The following ULK4 variants were observed in gnomAD, a reference collection of about 807,000 sequenced individuals.
The protein encoded by ULK4 is inactive serine/threonine-protein kinase ULK4.
ULK4 carries 133 observed loss-of-function variants against 160.6 expected under a neutral mutation model. The ratio of observed to expected loss-of-function variants is 0.83; its 90% CI spans 0.72 to 0.96. ULK4 has a LOEUF of 0.96. ULK4 is among the 40% of genes least tolerant of loss of function. ULK4 has a pLI of 0.00. For synonymous variants in ULK4, 534 were observed against 539.8 expected (o/e 0.99, Z 0.15); for missense variants, 1,580 against 1,499.5 (o/e 1.05, Z -0.89).
chr3:41,397,323 G>A (rs2082083911), intron 35 of ULK4, among the ~76,000 whole-genome samples: 1 of 152,116 alleles, frequency 6.6e-6, no homozygotes, highest in Non-Finnish European at 1.5e-5. Flanking sequence ...GTGGAATGCT[G>A]GGAGTTATAA....
At chr3:41,447,209 A>T (rs1010484407) in intron 34 of ULK4, among the ~76,000 whole-genome samples, 1 of 151,718 alleles carries the variant, frequency 6.6e-6, no homozygotes, top group Non-Finnish European at 1.5e-5. Context: ...AACCTCTCTA[A>T]CTCCCATCTC....
intron 20 of ULK4, among the ~76,000 whole-genome samples, chr3:41,795,831 TGA>T (rs2040286299): frequency 6.6e-6 from 1 of 152,078 alleles, no homozygotes; most frequent in Non-Finnish European, 1.5e-5. Context: ...GTGGTCCAGG[TGA>T]GAGATGGCAG....
chr3:41,835,185 G>A (rs2041717351), intron 18 of ULK4, among the ~76,000 whole-genome samples: 1 of 152,206 alleles, frequency 6.6e-6, no homozygotes, highest in South Asian at 2.1e-4. Context: ...ACTCCAGCCT[G>A]GGCAACAGAG....
At chr3:41,559,883 C>T (rs953883221) in intron 32 of ULK4, among the ~76,000 whole-genome samples, 4 of 152,130 alleles carry the variant, frequency 2.6e-5, no homozygotes, top group African/African-American at 7.2e-5. Context: ...TAGATCACAT[C>T]TGTCTATTCT....
intron 17 of ULK4, among the ~76,000 whole-genome samples, chr3:41,863,626 T>C (rs2042554809): frequency 6.6e-6 from 1 of 151,954 alleles, no homozygotes. Flanking sequence ...TCACTGCTGG[T>C]TATTCAGGGC....
intron 32 of ULK4, among the ~76,000 whole-genome samples, chr3:41,544,817 C>A (rs1629284): frequency 6.6e-6 from 1 of 152,038 alleles, no homozygotes; most frequent in Non-Finnish European, 1.5e-5. Context: ...AATTTTTAGT[C>A]GGGGGTTCCA....
rs747187844 is a variant in ULK4, at chr3:41,931,889, T to C, written c.496A>G (p.Asn166Asp). The part of the protein sequence containing the change: ...LVAAEEGGGD[N>D]GENVLKKSMK... ...CTTTTCTTCAGGACATTTTCCCCAT[T>C]ATCACCTCCTCCTTCCTCTGCTGCC... Residue 166 changes from asparagine (N) to aspartate (D), a missense_variant, in exon 5 of 37, where the codon AAT becomes GAT. By Grantham distance (23) the Asn-to-Asp change is conservative. Transcript: ENST00000301831. The C allele has an allele frequency of 5.6e-5, 90 of 1,614,134 alleles. 1 individual carries two copies. Among genetic ancestry groups the C allele is most frequent in the Middle Eastern group, 3.3e-4 (2 of 6,062 alleles).
chr3:41,674,687 G>A (rs138300594), intron 29 of ULK4, among the ~76,000 whole-genome samples: 71 of 152,296 alleles, frequency 4.7e-4, no homozygotes, highest in African/African-American at 1.4e-3. Flanking sequence ...CACCAACTTA[G>A]TAAGTACATA....
intron 32 of ULK4, among the ~76,000 whole-genome samples, chr3:41,559,832 C>T (rs1292920929): frequency 6.6e-6 from 1 of 152,022 alleles, no homozygotes; most frequent in Non-Finnish European, 1.5e-5. Context: ...TGCCTATTCA[C>T]ACTGATGGTA....
intron 34 of ULK4, among the ~76,000 whole-genome samples, chr3:41,453,163 G>GT (rs992646057): frequency 7.9e-5 from 12 of 152,042 alleles, no homozygotes; most frequent in African/African-American, 2.7e-4. Flanking sequence ...GTGAAATTGC[G>GT]TTTTTTTGTT....
At chr3:41,844,304 G>A (rs2042010821) in intron 17 of ULK4, among the ~76,000 whole-genome samples, 1 of 152,152 alleles carries the variant, frequency 6.6e-6, no homozygotes, top group Non-Finnish European at 1.5e-5. Context: ...CAGGTCCCGA[G>A]CCCTGCCCCA....
intron 13 of ULK4, among the ~76,000 whole-genome samples, chr3:41,899,425 C>A (rs561901617): frequency 6.6e-6 from 1 of 152,286 alleles, no homozygotes; most frequent in Non-Finnish European, 1.5e-5. Context: ...AAAATTTCTA[C>A]TGATTAAGGC....
chr3:41,249,651 G>GT (rs1491227462), intron 35 of ULK4, 77 bp from the exon 36 acceptor site: 4 of 1,445,970 alleles, frequency 2.8e-6, no homozygotes, highest in Non-Finnish European at 3.8e-6. Context: ...GGCACCCTGA[G>GT]TATCAGGCCT....
At chr3:41,308,666 G>A (rs916243754) in intron 35 of ULK4, among the ~76,000 whole-genome samples, 1 of 152,154 alleles carries the variant, frequency 6.6e-6, no homozygotes, top group African/African-American at 2.4e-5. Context: ...TACGGGTTGA[G>A]TATTCCTAAT....
intron 29 of ULK4, among the ~76,000 whole-genome samples, chr3:41,674,780 G>T (rs184277799): frequency 2.6e-4 from 39 of 152,286 alleles, no homozygotes; most frequent in Non-Finnish European, 5.4e-4. Context: ...CCAGCTTGAA[G>T]ACAGAGGGAT....
rs143736424 is a variant in ULK4, at chr3:41,538,769, T to A, written c.3226+27256A>T. 8.7e-4 allele frequency among the ~76,000 whole-genome samples: 132 copies of A among 152,226 alleles called. 1 individual carries two copies. Among genetic ancestry groups the A allele is most frequent in the Admixed American group, 4.2e-3 (64 of 15,280 alleles). On this transcript the variant is annotated intron_variant, in intron 32 of 36. Coordinates refer to ENST00000301831, the MANE Select transcript of ULK4 (RefSeq NM_017886.4). ...AAGTATCACAGTTAATTTTATGCAG[T>A]TATGATTTAATACTGCATTTTTACA...
chr3:41,306,846 C>A (rs2079950733), intron 35 of ULK4, among the ~76,000 whole-genome samples: 2 of 151,616 alleles, frequency 1.3e-5, no homozygotes, highest in African/African-American at 4.9e-5. Flanking sequence ...TGTGACCTTA[C>A]CCCCAACCCT....
At position 41,745,071 on chromosome 3, in the gene ULK4, A is replaced by G. The variant is rs1438840622; in HGVS notation, c.2321+9290T>C. On this transcript the variant is annotated intron_variant, in intron 22 of 36. Coordinates refer to ENST00000301831, the MANE Select transcript of ULK4 (RefSeq NM_017886.4). ...CAAATGCTACAAAAGCATCTGAGAGACAGAGTTATAGAAATAATGCTACAT... is the reference window on the plus strand; with the variant it reads ...CAAATGCTACAAAAGCATCTGAGAGGCAGAGTTATAGAAATAATGCTACAT... Among the ~76,000 whole-genome samples, 6 of 151,128 alleles carry G rather than the reference A, an allele frequency of 4.0e-5. 1 individual carries two copies. The highest frequency in any genetic ancestry group is 1.5e-4 in the African/African-American group (6 of 40,618).
Position 41,806,093 on chromosome 3 carries a change from G to A in ULK4, c.1849-5800C>T, listed in dbSNP as rs1416760583. Among the ~76,000 whole-genome samples, 10 of 145,682 alleles carry A rather than the reference G, an allele frequency of 6.9e-5. No homozygotes were observed. The East Asian group carries it at 7.8e-4, about 11-fold the overall frequency. On this transcript the variant is annotated intron_variant, in intron 19 of 36. Transcript: ENST00000301831. ...CCTCCTTGTACCTCTGGTAGAATTC[G>A]GCTGTGAATCCATCTGGTCCTGGAC...
Sources: allele counts gnomAD v4.1 joint callset (sites outside exome capture counted in the v4.1 genomes callset), GRCh38; gene constraint gnomAD v4.1.1; transcripts MANE v1.5; gene names NCBI Gene and HGNC (gene_info 2026-07-23, HGNC 2026-07-21).